SPTLC1: variants seen among roughly 807,000 people sequenced by gnomAD.
The protein encoded by SPTLC1 is serine palmitoyltransferase long chain base subunit 1, also known as serine palmitoyltransferase 1.
A neutral mutation model predicts 68.9 loss-of-function variants in SPTLC1; 55 were observed. The observed-to-expected ratio is 0.80, with a 90% CI of 0.64 to 1.00. The LOEUF is 1.00. Ranked by LOEUF, SPTLC1 falls within the 50% of genes least tolerant of loss-of-function variation. The pLI, the probability that SPTLC1 is intolerant of heterozygous loss-of-function variation, is 0.00. For missense variants in SPTLC1, 449 were observed against 573.1 expected, an observed-to-expected ratio of 0.78 and a Z score of 2.21; for synonymous variants, 197 against 201.6, an observed-to-expected ratio of 0.98 and a Z score of 0.19.
In SPTLC1 at chr9:92,032,509, C is replaced by G; in HGVS notation, c.1378G>C (p.Ala460Pro). 6.2e-7 allele frequency: 1 copy of G among 1,614,210 alleles called. No individual in the cohort carries two copies. The highest frequency in any genetic ancestry group is 8.5e-7 in the Non-Finnish European group (1 of 1,180,038). The part of the protein sequence containing the change: ...VEQTEEELER[A>P]ASTIKEVAQA... ...GCTACCTCCTTGATGGTGGACGCAG[C>G]TCTCTCCAGTTCTTCCTCTGTTTGT... The change falls in exon 15 of 15, where the codon GCT becomes CCT. Residue 460 changes from alanine to proline, a missense_variant. Coordinates refer to ENST00000262554, the MANE Select transcript of SPTLC1 (RefSeq NM_006415.4).
intron 3 of SPTLC1, among the ~76,000 whole-genome samples, chr9:92,085,176 T>C (rs1362151465): frequency 1.1e-3 from 157 of 147,814 alleles, no homozygotes; most frequent in African/African-American, 4.0e-3. Context: ...ATTTTGTTGA[T>C]CCTTTCAAAA....
chr9:92,046,150 A>G (rs1475006229), intron 11 of SPTLC1, 97 bp from the exon 12 acceptor site: 1 of 1,013,206 alleles, frequency 9.9e-7, no homozygotes, highest in Non-Finnish European at 1.5e-6. Flanking sequence ...CATCAATTTA[A>G]AATGCTACAA....
rs778388513 is a variant in SPTLC1, at chr9:92,032,567, A to C, written c.1329-9T>G. 2.5e-6 allele frequency: 4 copies of C among 1,614,034 alleles called. No homozygotes were observed. On this transcript the variant is annotated splice_polypyrimidine_tract_variant and intron_variant, in intron 14 of 14. Transcript: ENST00000262554. ...TGACCACAACCCGAATGCTGAGAAC[A>C]GTAAAGGACACAAAGAATTATCTTT... is the stretch of plus-strand genomic sequence containing the variant.
intron 3 of SPTLC1, among the ~76,000 whole-genome samples, chr9:92,085,055 G>T (rs1336735802): frequency 3.3e-5 from 5 of 151,158 alleles, no homozygotes; most frequent in Non-Finnish European, 5.9e-5. Context: ...TTCTCTGATG[G>T]TAGTTTGTAT....
At chr9:92,092,039 C>T (rs923875987) in intron 3 of SPTLC1, among the ~76,000 whole-genome samples, 7 of 152,166 alleles carry the variant, frequency 4.6e-5, no homozygotes, top group African/African-American at 1.4e-4. Context: ...TGAATCCATA[C>T]GGTGGGTAAT....
chr9:92,081,048 T>C (rs910478008), intron 3 of SPTLC1, 85 bp from the exon 4 acceptor site: 1 of 1,023,058 alleles, frequency 9.8e-7, no homozygotes, highest in Non-Finnish European at 1.5e-6. Flanking sequence ...CACAACAACA[T>C]AGTGTTGTCA....
chr9:92,037,608 A>C (rs183644312), intron 13 of SPTLC1, among the ~76,000 whole-genome samples: 12 of 152,344 alleles, frequency 7.9e-5, no homozygotes, highest in Admixed American at 3.3e-4. Context: ...TGCCCAGGGC[A>C]GGAAGCACTC....
intron 5 of SPTLC1, among the ~76,000 whole-genome samples, chr9:92,076,582 T>C (rs1834689506): frequency 6.6e-6 from 1 of 152,194 alleles, no homozygotes; most frequent in South Asian, 2.1e-4. Flanking sequence ...GATATAAATC[T>C]TTAACCCACC....
chr9:92,113,548 T>C (rs950161229), intron 1 of SPTLC1, among the ~76,000 whole-genome samples: 5 of 152,240 alleles, frequency 3.3e-5, no homozygotes, highest in African/African-American at 1.2e-4. Context: ...GTTACACTAC[T>C]GTCAGTCTTC....
intron 5 of SPTLC1, among the ~76,000 whole-genome samples, chr9:92,072,247 C>G (rs552036870): frequency 1.3e-5 from 2 of 152,224 alleles, no homozygotes; most frequent in African/African-American, 2.4e-5. Flanking sequence ...GACCAGCCCC[C>G]GCGAACACTC....
At chr9:92,077,479 G>A (rs983110185) in intron 5 of SPTLC1, among the ~76,000 whole-genome samples, 2 of 152,004 alleles carry the variant, frequency 1.3e-5, no homozygotes, top group Non-Finnish European at 2.9e-5. Context: ...TGGGTTCATC[G>A]CTCCAGGATA....
chr9:92,050,256 G>A (rs972825314), intron 8 of SPTLC1, 189 bp from the exon 9 acceptor site: 14 of 562,338 alleles, frequency 2.5e-5, no homozygotes, highest in African/African-American at 1.3e-4. Flanking sequence ...CTGTCATCAC[G>A]GATATGTGCA....
intron 11 of SPTLC1, chr9:92,046,358 T>C (rs1190590622): frequency 5.5e-5 from 18 of 324,504 alleles, no homozygotes; most frequent in Non-Finnish European, 9.6e-5. Context: ...GGTACAAATT[T>C]ATTGCTTATT....
intron 5 of SPTLC1, among the ~76,000 whole-genome samples, chr9:92,076,155 C>A (rs1166398089): frequency 1.3e-5 from 2 of 152,260 alleles, no homozygotes; most frequent in Non-Finnish European, 2.9e-5. Context: ...ACTCTAAATA[C>A]GCCCTTCACA....
intron 3 of SPTLC1, among the ~76,000 whole-genome samples, chr9:92,092,596 G>A (rs1444754899): frequency 1.3e-5 from 2 of 152,184 alleles, no homozygotes; most frequent in African/African-American, 2.4e-5. Flanking sequence ...TTAGCTGGGC[G>A]TGGTGGCACA....
intron 3 of SPTLC1, among the ~76,000 whole-genome samples, chr9:92,095,924 TG>T (rs1238609738): frequency 6.6e-6 from 1 of 152,198 alleles, no homozygotes; most frequent in Non-Finnish European, 1.5e-5. Flanking sequence ...GAGGACTGGC[TG>T]GGTGCCTAGA....
intron 3 of SPTLC1, among the ~76,000 whole-genome samples, chr9:92,096,941 G>A (rs1190981501): frequency 2.0e-5 from 3 of 151,994 alleles, no homozygotes; most frequent in Non-Finnish European, 2.9e-5. Context: ...AAGGGACTAG[G>A]ATTCAAAATA....
In SPTLC1 at chr9:92,068,106, A is replaced by G. The variant is rs772394344; in HGVS notation, c.428-8T>C. ...CCAAATCCAAATGAACATCTATTTCAGTTAAAAAAGTTAAATGGTTAAACT... is the reference window on the plus strand; with the variant it reads ...CCAAATCCAAATGAACATCTATTTCGGTTAAAAAAGTTAAATGGTTAAACT... On this transcript the variant is annotated splice_polypyrimidine_tract_variant and splice_region_variant and intron_variant, in intron 5 of 14. Transcript: ENST00000262554. 4 of 1,611,618 alleles carry G rather than the reference A, an allele frequency of 2.5e-6. No individual in the cohort carries two copies. The highest frequency in any genetic ancestry group is 1.3e-5 in the African/African-American group (1 of 74,192).
intron 8 of SPTLC1, chr9:92,050,911 C>T: frequency 5.9e-6 from 5 of 850,656 alleles, no homozygotes; most frequent in Non-Finnish European, 7.0e-6. Flanking sequence ...CTCCTGGGCT[C>T]AAGTGATTCT....
Sources: gnomAD v4.1 joint callset for allele counts (sites outside exome capture counted in the v4.1 genomes callset) on GRCh38, gnomAD v4.1.1 for gene constraint, MANE v1.5 for transcripts, NCBI Gene and HGNC (gene_info 2026-07-23, HGNC 2026-07-21) for gene names.